CNTNAP3B: variants seen among roughly 807,000 people sequenced by gnomAD.
CNTNAP3B encodes contactin-associated protein-like 3B.
A neutral mutation model predicts 108.9 loss-of-function variants in CNTNAP3B; 25 were observed. That is an observed-to-expected ratio of 0.23 (90% CI 0.17 to 0.32). CNTNAP3B has a LOEUF of 0.32. CNTNAP3B is among the 10% of genes least tolerant of loss of function. The probability of loss-of-function intolerance (pLI) is 1.00; values close to 1 mark genes in which losing one functional copy is unlikely to be tolerated. For synonymous variants in CNTNAP3B, 103 were observed against 473.4 expected (o/e 0.22, Z 10.16); for missense variants, 252 against 1,210.4 (o/e 0.21, Z 11.75).
intron 17 of CNTNAP3B, among the ~76,000 whole-genome samples, chr9:41,921,188 T>C (rs10909783): frequency 1.3e-5 from 2 of 151,914 alleles, no homozygotes; most frequent in Non-Finnish European, 2.9e-5. Flanking sequence ...CAATGAATGC[T>C]GATTCTAGGT....
In CNTNAP3B at chr9:42,114,012, C is replaced by T. The variant is rs2118721725; in HGVS notation, c.86-9273G>A. ...CTCTGAGAGTTGACAGAATTAGGGT[C>T]TGAATGAGAATATAAGGTATGAGAA... On this transcript the variant is annotated intron_variant, in intron 1 of 23. Coordinates refer to ENST00000377561, the MANE Select transcript of CNTNAP3B (RefSeq NM_001201380.3). 1.6e-5 allele frequency among the ~76,000 whole-genome samples: 2 copies of T among 125,712 alleles called. 1 individual carries two copies. The highest frequency in any genetic ancestry group is 4.8e-4 in the East Asian group (2 of 4,134). 82.5% of individuals were successfully genotyped at this position (125,712 alleles called of 152,430 possible). A position where few individuals can be genotyped will look rare whatever the true frequency, so the allele number is the denominator to read the frequency against.
At chr9:42,038,488 A>C (rs375872080) in intron 3 of CNTNAP3B, among the ~76,000 whole-genome samples, 1 of 84,820 alleles carries the variant, frequency 1.2e-5, no homozygotes, top group Non-Finnish European at 2.6e-5. Context: ...TCCTAGTCTC[A>C]GATAAAACAG....
At chr9:41,942,471 C>T (rs1235289707) in intron 13 of CNTNAP3B, among the ~76,000 whole-genome samples, 6 of 151,520 alleles carry the variant, frequency 4.0e-5, no homozygotes, top group East Asian at 3.9e-4. Context: ...ATTAGCCGGG[C>T]GTGGTGGCGG....
intron 1 of CNTNAP3B, among the ~76,000 whole-genome samples, chr9:42,110,267 G>T (rs1018935755): frequency 7.4e-6 from 1 of 135,342 alleles, no homozygotes; most frequent in Admixed American, 7.4e-5. Flanking sequence ...TTCTGAGAAG[G>T]GCTTCGTGAT....
At chr9:42,037,265 T>G (rs1004572652) in intron 3 of CNTNAP3B, among the ~76,000 whole-genome samples, 2 of 109,572 alleles carry the variant, frequency 1.8e-5, no homozygotes, top group East Asian at 3.5e-4. Flanking sequence ...AAACTTAAAG[T>G]ATAATTAAAA....
At chr9:41,967,740 C>A (rs1324737414) in intron 10 of CNTNAP3B, among the ~76,000 whole-genome samples, 78 of 152,372 alleles carry the variant, frequency 5.1e-4, no homozygotes, top group Non-Finnish European at 7.6e-4. Flanking sequence ...TTATAAAATT[C>A]AGGTTTTCAA....
intron 2 of CNTNAP3B, among the ~76,000 whole-genome samples, chr9:42,078,448 T>G (rs1351357060): frequency 7.1e-6 from 1 of 139,992 alleles, no homozygotes; most frequent in Non-Finnish European, 1.5e-5. Context: ...CTCTAAAGTT[T>G]ATATTATATA....
rs1180033668 is a variant in CNTNAP3B, at chr9:42,108,775, C to G, written c.86-4036G>C. On this transcript the variant is annotated intron_variant, in intron 1 of 23. Coordinates refer to ENST00000377561, the MANE Select transcript of CNTNAP3B (RefSeq NM_001201380.3). ...TCTATGGTCTTGATTTGTCCCCTGA[C>G]CCCTGCCTGGCATCACTCTTAGCTT... 2.1e-5 allele frequency among the ~76,000 whole-genome samples: 3 copies of G among 139,560 alleles called. 1 individual carries two copies. Among genetic ancestry groups the G allele is most frequent in the Non-Finnish European group, 4.6e-5 (3 of 65,008 alleles). The allele number at this position is 139,560 out of a possible 152,430, so 91.6% of individuals were successfully genotyped here. A position where few individuals can be genotyped will look rare whatever the true frequency, so the allele number is the denominator to read the frequency against.
intron 8 of CNTNAP3B, among the ~76,000 whole-genome samples, chr9:41,990,715 A>T (rs1162960287): frequency 7.4e-6 from 1 of 135,686 alleles, no homozygotes; most frequent in African/African-American, 2.9e-5. Context: ...TTTAGGCACA[A>T]TGTCAATTTA....
At chr9:41,916,659 A>G (rs1823525171) in intron 18 of CNTNAP3B, among the ~76,000 whole-genome samples, 1 of 144,638 alleles carries the variant, frequency 6.9e-6, no homozygotes, top group African/African-American at 2.6e-5. Context: ...GTAATGATCA[A>G]ATCAGGGTAA....
chr9:41,964,932 C>A (rs1471544249), intron 10 of CNTNAP3B, among the ~76,000 whole-genome samples: 1 of 152,224 alleles, frequency 6.6e-6, no homozygotes, highest in African/African-American at 2.4e-5. Flanking sequence ...CTAGCAAAAC[C>A]AATTACACAC....
intron 17 of CNTNAP3B, among the ~76,000 whole-genome samples, 171 bp downstream of exon 17, chr9:41,922,506 G>A (rs536379413): frequency 7.0e-6 from 1 of 142,668 alleles, no homozygotes; most frequent in Non-Finnish European, 1.5e-5. Flanking sequence ...CAAAAGAAAT[G>A]TCACATAAGA....
At chr9:41,945,983 G>A (rs1368625946) in intron 13 of CNTNAP3B, among the ~76,000 whole-genome samples, 3 of 152,286 alleles carry the variant, frequency 2.0e-5, no homozygotes, top group African/African-American at 7.2e-5. Flanking sequence ...AAAATTATCA[G>A]AGATGAAAAA....
At chr9:42,043,868 ATAGT>A (rs1826812201) in intron 3 of CNTNAP3B, among the ~76,000 whole-genome samples, 1 of 97,750 alleles carries the variant, frequency 1.0e-5, no homozygotes, top group South Asian at 3.0e-4. Flanking sequence ...CTCGCTTTCC[ATAGT>A]TTCAATTACC....
chr9:41,936,137 A>C (rs1173234900), intron 14 of CNTNAP3B, among the ~76,000 whole-genome samples: 9 of 152,364 alleles, frequency 5.9e-5, no homozygotes, highest in African/African-American at 2.2e-4. Flanking sequence ...AAAATTAGCC[A>C]GGTGTGGCAC....
chr9:41,948,385 C>A (rs1473224553), intron 13 of CNTNAP3B, among the ~76,000 whole-genome samples: 2 of 152,218 alleles, frequency 1.3e-5, no homozygotes, highest in African/African-American at 4.8e-5. Flanking sequence ...CCCTGCCGGG[C>A]CTTACTGGAG....
At chr9:42,095,679 C>T (rs1196145831) in intron 2 of CNTNAP3B, among the ~76,000 whole-genome samples, 1 of 138,960 alleles carries the variant, frequency 7.2e-6, no homozygotes, top group Non-Finnish European at 1.5e-5. Context: ...CTGGCTGATA[C>T]AGAGACTGGA....
At chr9:41,941,512 C>T (rs1182733894) in intron 13 of CNTNAP3B, among the ~76,000 whole-genome samples, 1 of 149,838 alleles carries the variant, frequency 6.7e-6, no homozygotes, top group East Asian at 1.9e-4. Context: ...AACAATACAC[C>T]CTTAAAAAAA....
chr9:41,925,982 C>A (rs1301287124), intron 15 of CNTNAP3B, among the ~76,000 whole-genome samples: 1 of 152,296 alleles, frequency 6.6e-6, no homozygotes, highest in African/African-American at 2.4e-5. Context: ...CTAGCCCTCT[C>A]AGTAGTCAGC....
Sources: allele counts gnomAD v4.1 joint callset (sites outside exome capture counted in the v4.1 genomes callset), GRCh38; gene constraint gnomAD v4.1.1; transcripts MANE v1.5; gene names NCBI Gene and HGNC (gene_info 2026-07-23, HGNC 2026-07-21).